AKAP8L: variants seen among roughly 807,000 people sequenced by gnomAD.
AKAP8L encodes the protein A-kinase anchor protein 8-like.
In AKAP8L, 34 loss-of-function variants were observed where a neutral mutation model predicts 77.5. The ratio of observed to expected loss-of-function variants is 0.44; its 90% CI spans 0.33 to 0.58. The LOEUF is 0.58. Among genes scored for constraint, AKAP8L ranks in the 20% least tolerant of loss-of-function variants. The pLI is 0.02. For missense variants in AKAP8L, 806 were observed against 887.6 expected, an observed-to-expected ratio of 0.91 and a Z score of 1.17; for synonymous variants, 342 against 340.7, an observed-to-expected ratio of 1.00 and a Z score of -0.04.
At chr19:15,380,703 C>T (rs2145097153) in intron 12 of AKAP8L, 91 bp from the exon 13 acceptor site, 4 of 1,174,524 alleles carry the variant, frequency 3.4e-6, no homozygotes, top group Non-Finnish European at 4.9e-6. Flanking sequence ...GACCCCACCC[C>T]GCCCCTGCAC....
chr19:15,408,801 G>A (rs1242973620), intron 2 of AKAP8L, among the ~76,000 whole-genome samples: 1 of 151,138 alleles, frequency 6.6e-6, no homozygotes, highest in Non-Finnish European at 1.5e-5. Flanking sequence ...GAACCCAGGA[G>A]GCGGAGCTTG....
intron 13 of AKAP8L, 42 bp from the exon 14 acceptor site, chr19:15,380,472 C>CGG (rs764244285): frequency 6.2e-7 from 1 of 1,612,774 alleles, no homozygotes; most frequent in South Asian, 1.1e-5. Context: ...GGAGCACAGG[C>CGG]GGGGACTAAG....
At chr19:15,407,507 A>T (rs899694959) in intron 2 of AKAP8L, among the ~76,000 whole-genome samples, 2 of 152,266 alleles carry the variant, frequency 1.3e-5, no homozygotes, top group African/African-American at 4.8e-5. Context: ...AAGAGCTACT[A>T]GAATAAGTGA....
rs144531400 is a variant in AKAP8L at position 15,399,019 on chromosome 19, G to A, written c.1157+283C>T. The A allele has an allele frequency of 2.2e-5, 10 of 450,476 alleles. No individual in the cohort carries two copies. The highest frequency in any genetic ancestry group is 1.2e-4 in the African/African-American group (6 of 50,006). 27.9% of individuals were successfully genotyped at this position (450,476 alleles called of 1,614,324 possible). A position where few individuals can be genotyped will look rare whatever the true frequency, so the allele number is the denominator to read the frequency against. ...AGGCCCCCAGTGCACCTTGGGGTTC[G>A]TGCGCCGAGTGACCTAGCGCCAGAG... is the stretch of plus-strand genomic sequence containing the variant. On this transcript the variant is annotated intron_variant, in intron 9 of 13. Coordinates refer to ENST00000397410, the MANE Select transcript of AKAP8L (RefSeq NM_014371.4). The surrounding 1 kb of genome is among the most constrained non-coding windows in gnomAD (Gnocchi z 6.1).
intron 2 of AKAP8L, among the ~76,000 whole-genome samples, chr19:15,408,979 C>T (rs763309580): frequency 6.6e-6 from 1 of 151,932 alleles, no homozygotes; most frequent in Non-Finnish European, 1.5e-5. Flanking sequence ...AATAAGAAAC[C>T]TTAACCTATA....
In AKAP8L at chr19:15,380,096, C is replaced by G. The variant is rs886512700; in HGVS notation, c.*26G>C. 7.6e-5 allele frequency: 111 copies of G among 1,456,430 alleles called. 1 individual carries two copies. Among genetic ancestry groups the G allele is most frequent in the Non-Finnish European group, 9.2e-5 (103 of 1,117,006 alleles). The allele number at this position is 1,456,430 out of a possible 1,614,324, so 90.2% of individuals were successfully genotyped here. A position where few individuals can be genotyped will look rare whatever the true frequency, so the allele number is the denominator to read the frequency against. On this transcript the variant is annotated 3_prime_UTR_variant, in exon 14 of 14. Transcript: ENST00000397410. Reference sequence around the variant, plus strand: ...GGTTTGGTTTCCAGCTTCGGCCACGCGGGCTCCGCCCGCCCCGAGCTCGGG... The same window carrying G: ...GGTTTGGTTTCCAGCTTCGGCCACGGGGGCTCCGCCCGCCCCGAGCTCGGG...
At chr19:15,405,064 C>G (rs1173618734) in intron 2 of AKAP8L, among the ~76,000 whole-genome samples, 5 of 152,210 alleles carry the variant, frequency 3.3e-5, no homozygotes, top group African/African-American at 1.2e-4. Context: ...TTATGTATCC[C>G]CTGAGCACAG....
chr19:15,396,240 A>T (rs375237746), intron 12 of AKAP8L, among the ~76,000 whole-genome samples: 1 of 152,072 alleles, frequency 6.6e-6, no homozygotes, highest in Non-Finnish European at 1.5e-5. Context: ...GGATGCGAAC[A>T]TCTGTTCATA....
chr19:15,393,150 T>TA (rs966824614), intron 12 of AKAP8L, among the ~76,000 whole-genome samples: 1 of 151,834 alleles, frequency 6.6e-6, no homozygotes, highest in Admixed American at 6.6e-5. Context: ...ATGCAAAAAA[T>TA]AAAGTTAGAA....
At chr19:15,393,173 C>G (rs568760914) in intron 12 of AKAP8L, among the ~76,000 whole-genome samples, 1 of 151,778 alleles carries the variant, frequency 6.6e-6, no homozygotes, top group East Asian at 1.9e-4. Context: ...TTACCTCATA[C>G]GATATAAATA....
At chr19:15,386,303 A>T (rs1244129287) in intron 12 of AKAP8L, among the ~76,000 whole-genome samples, 3 of 152,210 alleles carry the variant, frequency 2.0e-5, no homozygotes, top group African/African-American at 7.2e-5. Context: ...TTAAGGTTTA[A>T]GAAGCTTCCT....
intron 12 of AKAP8L, chr19:15,383,059 T>C (rs1479240181): frequency 6.6e-6 from 1 of 152,194 alleles, no homozygotes; most frequent in Non-Finnish European, 1.5e-5. Context: ...AAAACAAGTC[T>C]TCCCCCAAAA....
intron 1 of AKAP8L, among the ~76,000 whole-genome samples, chr19:15,417,272 C>A (rs946216834): frequency 1.3e-5 from 2 of 152,192 alleles, no homozygotes; most frequent in Non-Finnish European, 2.9e-5. Context: ...TCTTCCAGTT[C>A]TTGGTAAGAC....
intron 1 of AKAP8L, among the ~76,000 whole-genome samples, chr19:15,415,457 TCA>T (rs1344460600): frequency 6.6e-6 from 1 of 151,986 alleles, no homozygotes; most frequent in African/African-American, 2.4e-5. Context: ...CAAATGCTTC[TCA>T]GTTTTATACT....
chr19:15,408,563 CAAA>C lies in AKAP8L; in HGVS notation c.88+1954_88+1956del, dbSNP rs1281747013. 1.0e-4 allele frequency among the ~76,000 whole-genome samples: 7 copies of C among 67,100 alleles called. No individual in the cohort carries two copies. The South Asian group carries it at 1.6e-3, about 16-fold the overall frequency. The allele number at this position is 67,100 out of a possible 152,430, so 44.0% of individuals were successfully genotyped here. On this transcript the variant is annotated intron_variant, in intron 2 of 13. Transcript: ENST00000397410. ...GGGCAACAAGAGCGAAACTCCATCT[CAAA>C]AAAAAAAAAAAAAGAAAGAAAGAAA...
At chr19:15,387,474 G>A (rs1967563488) in intron 12 of AKAP8L, among the ~76,000 whole-genome samples, 1 of 151,828 alleles carries the variant, frequency 6.6e-6, no homozygotes, top group African/African-American at 2.4e-5. Context: ...ATTTATTGGA[G>A]TTAAACACTG....
At chr19:15,405,307 G>A (rs2145138649) in intron 2 of AKAP8L, among the ~76,000 whole-genome samples, 1 of 152,330 alleles carries the variant, frequency 6.6e-6, no homozygotes, top group South Asian at 2.1e-4. Flanking sequence ...GTCGAGGCGG[G>A]CGGATCACCT....
intron 12 of AKAP8L, among the ~76,000 whole-genome samples, chr19:15,395,384 C>T (rs1190861407): frequency 1.3e-5 from 2 of 151,056 alleles, no homozygotes; most frequent in Non-Finnish European, 3.0e-5. Flanking sequence ...GGCGCAATCT[C>T]GGCTCACTGC....
intron 1 of AKAP8L, among the ~76,000 whole-genome samples, chr19:15,416,565 G>GT (rs1302587519): frequency 6.6e-6 from 1 of 152,202 alleles, no homozygotes; most frequent in Non-Finnish European, 1.5e-5. Flanking sequence ...GATGACTCTA[G>GT]TCCACATAGA....
Sources: allele counts gnomAD v4.1 joint callset (sites outside exome capture counted in the v4.1 genomes callset), GRCh38; gene constraint gnomAD v4.1.1; non-coding constraint Gnocchi (gnomAD v3.1); transcripts MANE v1.5; gene names NCBI Gene and HGNC (gene_info 2026-07-23, HGNC 2026-07-21).